PIK3C2G: variants seen among roughly 807,000 people sequenced by gnomAD.
PIK3C2G encodes the protein phosphatidylinositol 3-kinase C2 domain-containing subunit gamma.
A neutral mutation model predicts 181.1 loss-of-function variants in PIK3C2G; 168 were observed. That is an observed-to-expected ratio of 0.93 (90% CI 0.82 to 1.05). The LOEUF is 1.05. Ranked by LOEUF, PIK3C2G falls within the 50% of genes least tolerant of loss-of-function variation. PIK3C2G has a pLI of 0.00. For synonymous variants in PIK3C2G, 573 were observed against 592.2 expected (o/e 0.97, Z 0.47); for missense variants, 1,869 against 1,732.8 (o/e 1.08, Z -1.40).
At chr12:18,275,364 A>G (rs992651221) in intron 1 of PIK3C2G, among the ~76,000 whole-genome samples, 1 of 151,674 alleles carries the variant, frequency 6.6e-6, no homozygotes. Flanking sequence ...TATATTCCAC[A>G]TCTTTTTTAT....
the PIK3C2G span, among the ~76,000 whole-genome samples, chr12:18,681,598 A>G: frequency 6.6e-6 from 1 of 152,058 alleles, no homozygotes; most frequent in Non-Finnish European, 1.5e-5. Flanking sequence ...AATGATAAAT[A>G]ATGCAAATTT....
At chr12:18,639,561 T>C (rs1346063000) in intron 31 of PIK3C2G, among the ~76,000 whole-genome samples, 2 of 152,194 alleles carry the variant, frequency 1.3e-5, no homozygotes, top group East Asian at 1.9e-4. Context: ...CTACAGTTGG[T>C]CAAGATCACA....
the PIK3C2G span, chr12:18,694,047 A>C: frequency 7.2e-7 from 1 of 1,389,034 alleles, no homozygotes. Flanking sequence ...AAATCTAAAG[A>C]AAATGTTCTT....
intron 18 of PIK3C2G, among the ~76,000 whole-genome samples, chr12:18,480,809 G>A (rs188826505): frequency 6.6e-6 from 1 of 152,308 alleles, no homozygotes; most frequent in African/African-American, 2.4e-5. Flanking sequence ...GCTAGTCTGG[G>A]CACACTGCCT....
chr12:18,563,480 C>G lies in PIK3C2G; in HGVS notation c.3884C>G (p.Ala1295Gly). ...KLHSQLQKQF[A>G]SLTLPEFPHW... ...CACAGCCAACTTCAGAAGCAGTTTG[C>G]ATCACTGACTCTCCCAGAGTAAGGC... The change falls in exon 28 of 33, where the codon GCA (alanine) becomes GGA (glycine). Residue 1295 changes from alanine (A) to glycine (G), a missense_variant. Ala to Gly is a moderately conservative substitution (Grantham distance 60). Coordinates refer to ENST00000538779, the MANE Select transcript of PIK3C2G (RefSeq NM_001288772.2). The G allele has an allele frequency of 6.2e-7, 1 of 1,613,726 alleles. No individual in the cohort carries two copies.
upstream of PIK3C2G, among the ~76,000 whole-genome samples, chr12:18,246,989 A>G (rs1047806668): frequency 8.8e-5 from 13 of 148,128 alleles, no homozygotes; most frequent in African/African-American, 2.2e-4. Context: ...CTATATCTCA[A>G]TGGTCTCATG....
chr12:18,427,627 G>C (rs1356038752), intron 18 of PIK3C2G, among the ~76,000 whole-genome samples: 1 of 151,698 alleles, frequency 6.6e-6, no homozygotes, highest in African/African-American at 2.4e-5. Context: ...ATTTGCTAAA[G>C]TTGTATGAAA....
In PIK3C2G at chr12:18,637,448, C is replaced by A. The variant is rs576545504; in HGVS notation, c.4183-2981C>A. The stretch of plus-strand genomic sequence containing the variant: ...AATGAAATAAGAATTTGTAGTCTTC[C>A]TATTGATTTCACTTCAAGGAACACA... On this transcript the variant is annotated intron_variant, in intron 31 of 32. Transcript: ENST00000538779. Among the ~76,000 whole-genome samples the A allele has an allele frequency of 1.1e-4, 16 of 147,300 alleles. No individual in the cohort carries two copies. The South Asian group carries it at 3.4e-3, about 32-fold the overall frequency.
chr12:18,386,957 T>C (rs1943209678), intron 14 of PIK3C2G, among the ~76,000 whole-genome samples: 3 of 152,152 alleles, frequency 2.0e-5, no homozygotes, highest in Admixed American at 2.0e-4. Flanking sequence ...CAGACAAATA[T>C]AGCCACATAC....
At chr12:18,717,228 TTC>T in the PIK3C2G span, among the ~76,000 whole-genome samples, 1 of 152,120 alleles carries the variant, frequency 6.6e-6, no homozygotes, top group Non-Finnish European at 1.5e-5. Flanking sequence ...TATTTATATT[TTC>T]TCTCTTAAAA....
At chr12:18,264,794 A>G (rs1184389382) in intron 1 of PIK3C2G, among the ~76,000 whole-genome samples, 1 of 152,144 alleles carries the variant, frequency 6.6e-6, no homozygotes, top group African/African-American at 2.4e-5. Flanking sequence ...CTTTTGAGAA[A>G]ACTCTCTCTG....
chr12:18,428,522 C>G (rs1264940415), intron 18 of PIK3C2G, among the ~76,000 whole-genome samples: 1 of 152,116 alleles, frequency 6.6e-6, no homozygotes, highest in African/African-American at 2.4e-5. Flanking sequence ...AGCCCTATAA[C>G]TCTATATATC....
chr12:18,559,815 TATATATAGAGAGAGAGAGAGAGAGAG>T (rs1258841587), intron 26 of PIK3C2G, among the ~76,000 whole-genome samples: 3 of 24,502 alleles, frequency 1.2e-4, no homozygotes, highest in South Asian at 2.0e-3. Context: ...TATATATATA[TATATATAGAGAGAGAGAGAGAGAGAG>T]AGAGAGAGAG....
At chr12:18,535,945 C>T (rs553915675) in intron 24 of PIK3C2G, among the ~76,000 whole-genome samples, 1 of 133,014 alleles carries the variant, frequency 7.5e-6, no homozygotes, top group African/African-American at 3.0e-5. Context: ...ACATCACACA[C>T]CAGGGCCTGC....
At chr12:18,605,585 A>G (rs1947974705) in intron 30 of PIK3C2G, among the ~76,000 whole-genome samples, 2 of 152,314 alleles carry the variant, frequency 1.3e-5, no homozygotes, top group South Asian at 4.1e-4. Context: ...ACCAAAAAAG[A>G]TAACTACAGA....
chr12:18,593,587 A>G (rs1386482482), intron 29 of PIK3C2G, among the ~76,000 whole-genome samples: 1 of 151,916 alleles, frequency 6.6e-6, no homozygotes, highest in East Asian at 1.9e-4. Flanking sequence ...ATAATCAATT[A>G]TTCTTTGGTG....
chr12:18,441,295 G>A (rs1191620271), intron 18 of PIK3C2G, among the ~76,000 whole-genome samples: 1 of 152,138 alleles, frequency 6.6e-6, no homozygotes, highest in East Asian at 1.9e-4. Flanking sequence ...GAGTGAAAAG[G>A]AGAGCTATTA....
intron 18 of PIK3C2G, among the ~76,000 whole-genome samples, chr12:18,473,078 C>T (rs1039494172): frequency 6.6e-6 from 1 of 152,152 alleles, no homozygotes; most frequent in African/African-American, 2.4e-5. Context: ...AAAGGGGAAA[C>T]CAAAACAAGC....
chr12:18,501,451 C>T (rs1941473867), intron 22 of PIK3C2G, among the ~76,000 whole-genome samples: 2 of 152,148 alleles, frequency 1.3e-5, no homozygotes, highest in African/African-American at 4.8e-5. Flanking sequence ...TCCCTCCTTC[C>T]ACACGTGGGG....
Sources: allele counts gnomAD v4.1 joint callset (sites outside exome capture counted in the v4.1 genomes callset), GRCh38; gene constraint gnomAD v4.1.1; transcripts MANE v1.5; gene names NCBI Gene and HGNC (gene_info 2026-07-23, HGNC 2026-07-21).